The following TENM3 variants were observed in gnomAD, a reference collection of about 807,000 sequenced individuals.
TENM3 encodes teneurin-3.
A neutral mutation model predicts 255.1 loss-of-function variants in TENM3; 63 were observed. The observed-to-expected ratio is 0.25, with a 90% confidence interval of 0.20 to 0.30. The LOEUF is 0.30. Ranked by LOEUF, TENM3 falls within the 10% of genes least tolerant of loss-of-function variation. The probability of loss-of-function intolerance (pLI) is 1.00; values close to 1 mark genes in which losing one functional copy is unlikely to be tolerated. For missense variants in TENM3, 2,929 were observed against 3,461.1 expected, an observed-to-expected ratio of 0.85 and a Z score of 3.86; for synonymous variants, 1,306 against 1,322.3, an observed-to-expected ratio of 0.99 and a Z score of 0.27.
chr4:182,388,761 G>A (rs561090074), intron 3 of TENM3, among the ~76,000 whole-genome samples: 72 of 152,322 alleles, frequency 4.7e-4, no homozygotes, highest in African/African-American at 1.7e-3. Context: ...GAAATTGAAT[G>A]TGAAACTCTC....
the TENM3 span, among the ~76,000 whole-genome samples, chr4:181,951,122 T>A: frequency 6.6e-6 from 1 of 152,180 alleles, no homozygotes; most frequent in East Asian, 1.9e-4. Flanking sequence ...ATTTGGATAA[T>A]GTTATTTTTC....
At chr4:182,457,729 T>G (rs1773991953) in intron 3 of TENM3, among the ~76,000 whole-genome samples, 1 of 152,022 alleles carries the variant, frequency 6.6e-6, no homozygotes, top group African/African-American at 2.4e-5. Flanking sequence ...AGCTAATTTT[T>G]TAAATATTGT....
chr4:181,993,389 G>T, the TENM3 span, among the ~76,000 whole-genome samples: 1 of 152,130 alleles, frequency 6.6e-6, no homozygotes, highest in Admixed American at 6.6e-5. Flanking sequence ...AATATTAGAT[G>T]ATATAGCTTA....
the TENM3 span, among the ~76,000 whole-genome samples, chr4:181,527,959 T>C: frequency 6.6e-6 from 1 of 152,258 alleles, no homozygotes; most frequent in African/African-American, 2.4e-5. Flanking sequence ...CTCCATTGTA[T>C]GGATGTACCA....
the TENM3 span, among the ~76,000 whole-genome samples, chr4:182,115,602 A>T: frequency 6.6e-6 from 1 of 152,208 alleles, no homozygotes; most frequent in Non-Finnish European, 1.5e-5. Context: ...GACTTTGATA[A>T]CATAATTTCA....
At chr4:181,768,075 G>A in the TENM3 span, among the ~76,000 whole-genome samples, 2 of 152,168 alleles carry the variant, frequency 1.3e-5, no homozygotes, top group Non-Finnish European at 2.9e-5. Flanking sequence ...GTAGACATGC[G>A]GATGTGAATA....
chr4:182,082,132 C>T, the TENM3 span, among the ~76,000 whole-genome samples: 1 of 152,166 alleles, frequency 6.6e-6, no homozygotes, highest in Non-Finnish European at 1.5e-5. Flanking sequence ...TTATAAACAA[C>T]AGAAATTCAT....
the TENM3 span, among the ~76,000 whole-genome samples, chr4:181,724,162 C>T: frequency 6.6e-6 from 1 of 152,216 alleles, no homozygotes; most frequent in African/African-American, 2.4e-5. Flanking sequence ...AGAGAACCCA[C>T]AAAAGAACTT....
intron 1 of TENM3, among the ~76,000 whole-genome samples, chr4:182,282,369 T>C (rs1760444007): frequency 6.6e-6 from 1 of 152,216 alleles, no homozygotes; most frequent in Admixed American, 6.5e-5. Flanking sequence ...GTATATGCTT[T>C]GTCATGTGCT....
At chr4:181,957,126 T>C in the TENM3 span, among the ~76,000 whole-genome samples, 2 of 152,210 alleles carry the variant, frequency 1.3e-5, no homozygotes, top group African/African-American at 4.8e-5. Flanking sequence ...TCAATGCACA[T>C]GCTGCATTAT....
intron 3 of TENM3, among the ~76,000 whole-genome samples, chr4:182,457,910 G>T (rs527970842): frequency 6.6e-6 from 1 of 152,268 alleles, no homozygotes; most frequent in South Asian, 2.1e-4. Context: ...GTCAAATTAG[G>T]TTTTGTTTTG....
chr4:181,784,223 A>G, the TENM3 span, among the ~76,000 whole-genome samples: 1 of 151,532 alleles, frequency 6.6e-6, no homozygotes, highest in South Asian at 2.1e-4. Flanking sequence ...TTTAAGCAAT[A>G]TTTCTTCTTT....
chr4:181,789,823 G>A, the TENM3 span, among the ~76,000 whole-genome samples: 3 of 152,110 alleles, frequency 2.0e-5, no homozygotes, highest in Non-Finnish European at 4.4e-5. Context: ...AAACATGGAA[G>A]TGCTGGGAGG....
the TENM3 span, among the ~76,000 whole-genome samples, chr4:181,695,122 T>G: frequency 6.6e-6 from 1 of 152,214 alleles, no homozygotes; most frequent in Non-Finnish European, 1.5e-5. Context: ...ATTTTCAACA[T>G]CCTAAAAATG....
intron 3 of TENM3, among the ~76,000 whole-genome samples, chr4:182,595,099 G>A (rs1268830146): frequency 1.3e-5 from 2 of 152,106 alleles, no homozygotes; most frequent in Non-Finnish European, 2.9e-5. Context: ...AAATAAGTGA[G>A]GCTCAGAGAG....
chr4:182,382,860 C>T (rs1319445595), intron 3 of TENM3, among the ~76,000 whole-genome samples: 1 of 152,170 alleles, frequency 6.6e-6, no homozygotes, highest in Non-Finnish European at 1.5e-5. Flanking sequence ...TGATGCCAGA[C>T]TCTGGTGGTT....
At chr4:181,644,436 A>G in the TENM3 span, among the ~76,000 whole-genome samples, 1 of 151,988 alleles carries the variant, frequency 6.6e-6, no homozygotes, top group Non-Finnish European at 1.5e-5. Flanking sequence ...TTATCTTAAA[A>G]AAAAAAAAAT....
At chr4:181,479,602 TA>T in the TENM3 span, among the ~76,000 whole-genome samples, 1 of 152,090 alleles carries the variant, frequency 6.6e-6, no homozygotes, top group South Asian at 2.1e-4. Context: ...GACAAAATTT[TA>T]AAAAACACAC....
intron 1 of TENM3, among the ~76,000 whole-genome samples, chr4:182,249,741 CTTAG>C (rs1355275515): frequency 6.6e-6 from 1 of 152,018 alleles, no homozygotes. Context: ...TATAAATATT[CTTAG>C]TTAGTGGTTT....
Sources: gnomAD v4.1 joint callset for allele counts (sites outside exome capture counted in the v4.1 genomes callset) on GRCh38, gnomAD v4.1.1 for gene constraint, MANE v1.5 for transcripts, NCBI Gene and HGNC (gene_info 2026-07-23, HGNC 2026-07-21) for gene names.